AGBL1: variants seen among roughly 807,000 people sequenced by gnomAD.
The protein encoded by AGBL1 is AGBL carboxypeptidase 1, also known as cytosolic carboxypeptidase 4.
A neutral mutation model predicts 118.9 loss-of-function variants in AGBL1; 130 were observed. The observed-to-expected ratio is 1.09, with a 90% CI of 0.95 to 1.26. The LOEUF is 1.26. AGBL1 is among the 50% of genes most tolerant of loss of function. The pLI is 0.00. For missense variants in AGBL1, 1,584 were observed against 1,298.1 expected, an observed-to-expected ratio of 1.22 and a Z score of -3.38; for synonymous variants, 555 against 478.9, an observed-to-expected ratio of 1.16 and a Z score of -2.08.
At chr15:86,225,028 TG>T in intron 6 of AGBL1, 77 bp downstream of exon 6, 1 of 1,409,594 alleles carries the variant, frequency 7.1e-7, no homozygotes. Context: ...TCCCCATGGC[TG>T]TTTCTTTTTT....
chr15:86,745,065 C>T (rs761733611), intron 22 of AGBL1, among the ~76,000 whole-genome samples: 19 of 152,104 alleles, frequency 1.2e-4, no homozygotes, highest in African/African-American at 2.7e-4. Context: ...TTTCCGTAGA[C>T]GTACTGCTGT....
At chr15:86,854,738 C>T (rs112486309) in intron 22 of AGBL1, among the ~76,000 whole-genome samples, 127 of 152,294 alleles carry the variant, frequency 8.3e-4, no homozygotes, top group Middle Eastern at 6.8e-3. Flanking sequence ...ACTCTTCATG[C>T]AATTGCTTAC....
chr15:86,769,764 G>A (rs2078147581), intron 22 of AGBL1, among the ~76,000 whole-genome samples: 1 of 151,994 alleles, frequency 6.6e-6, no homozygotes, highest in South Asian at 2.1e-4. Flanking sequence ...AGTAGCAGAA[G>A]TTTGAAATGC....
Position 86,892,418 on chromosome 15 carries a change from A to G in AGBL1, c.3159-14669A>G, listed in dbSNP as rs74504858. ...GAATACCTCATTCCAGTTCTTCCTCAGGCAGAGTAGACCTTATCTATAAAT... is the reference window on the plus strand; with the variant it reads ...GAATACCTCATTCCAGTTCTTCCTCGGGCAGAGTAGACCTTATCTATAAAT... On this transcript the variant is annotated intron_variant, in intron 22 of 22. Coordinates refer to ENST00000614907, the MANE Select transcript of AGBL1 (RefSeq NM_001386094.1). Among the ~76,000 whole-genome samples the G allele has an allele frequency of 2.9e-3, 436 of 152,318 alleles. 2 individuals carry two copies. Among genetic ancestry groups the G allele is most frequent in the African/African-American group, 0.01 (418 of 41,572 alleles).
chr15:86,864,401 C>A (rs2079597944), intron 22 of AGBL1, among the ~76,000 whole-genome samples: 1 of 152,150 alleles, frequency 6.6e-6, no homozygotes, highest in African/African-American at 2.4e-5. Context: ...ATTGTAAGTA[C>A]TTTTTGCATT....
chr15:87,020,635 G>A (rs1426521880), intron 24 of AGBL1, among the ~76,000 whole-genome samples: 1 of 152,042 alleles, frequency 6.6e-6, no homozygotes, highest in Admixed American at 6.6e-5. Flanking sequence ...AAGCTAATAA[G>A]CAACTTCAGC....
At chr15:86,561,264 T>C (rs2083815719) in intron 21 of AGBL1, among the ~76,000 whole-genome samples, 2 of 152,222 alleles carry the variant, frequency 1.3e-5, no homozygotes, top group South Asian at 4.1e-4. Context: ...TCACCTAGGT[T>C]TTCTTCTAGG....
intron 17 of AGBL1, among the ~76,000 whole-genome samples, chr15:86,337,432 A>G (rs147784730): frequency 2.0e-4 from 30 of 152,336 alleles, no homozygotes; most frequent in African/African-American, 5.3e-4. Context: ...ACTATTCACA[A>G]TAGCAAAGGC....
intron 5 of AGBL1, among the ~76,000 whole-genome samples, chr15:86,202,657 C>A (rs971971295): frequency 6.6e-6 from 1 of 152,136 alleles, no homozygotes; most frequent in Non-Finnish European, 1.5e-5. Flanking sequence ...TTTTATAATC[C>A]TTAAAATACC....
chr15:86,426,915 A>T, intron 18 of AGBL1, among the ~76,000 whole-genome samples: 1 of 152,110 alleles, frequency 6.6e-6, no homozygotes, highest in Non-Finnish European at 1.5e-5. Context: ...ATGAGTGCAC[A>T]CCACCACTCC....
intron 22 of AGBL1, among the ~76,000 whole-genome samples, chr15:86,879,022 T>C (rs2141525937): frequency 6.6e-6 from 1 of 152,272 alleles, no homozygotes; most frequent in South Asian, 2.1e-4. Flanking sequence ...GGAGCATGAG[T>C]CAGACCAAGA....
intron 23 of AGBL1, among the ~76,000 whole-genome samples, chr15:86,927,456 C>A (rs942959828): frequency 6.6e-6 from 1 of 151,144 alleles, no homozygotes. Flanking sequence ...TGTGGTGGCA[C>A]AGGCCTATAA....
At chr15:86,202,904 A>G (rs1284913600) in intron 5 of AGBL1, among the ~76,000 whole-genome samples, 1 of 151,970 alleles carries the variant, frequency 6.6e-6, no homozygotes, top group African/African-American at 2.4e-5. Context: ...GGCTGAGGCA[A>G]TTGCACAAAT....
At chr15:87,021,027 A>T (rs936631126) in intron 24 of AGBL1, among the ~76,000 whole-genome samples, 1 of 152,152 alleles carries the variant, frequency 6.6e-6, no homozygotes, top group Non-Finnish European at 1.5e-5. Context: ...ACCAAAAAAG[A>T]GCCCATATAG....
At chr15:86,338,054 A>T (rs2080402316) in intron 17 of AGBL1, among the ~76,000 whole-genome samples, 1 of 152,170 alleles carries the variant, frequency 6.6e-6, no homozygotes, top group Non-Finnish European at 1.5e-5. Flanking sequence ...GAAGGGACAC[A>T]TAAACTGATT....
chr15:86,144,461 A>T (rs9920786), intron 3 of AGBL1, among the ~76,000 whole-genome samples: 1 of 152,204 alleles, frequency 6.6e-6, no homozygotes, highest in Non-Finnish European at 1.5e-5. Context: ...GTACACATAC[A>T]CCATGGAATA....
At chr15:86,348,836 A>G (rs1299501012) in intron 17 of AGBL1, among the ~76,000 whole-genome samples, 1 of 151,456 alleles carries the variant, frequency 6.6e-6, no homozygotes. Context: ...AAGGCCAGGT[A>G]TCTTGAGTTG....
intron 18 of AGBL1, among the ~76,000 whole-genome samples, chr15:86,484,216 A>T (rs1376587651): frequency 6.6e-6 from 1 of 152,092 alleles, no homozygotes; most frequent in Non-Finnish European, 1.5e-5. Context: ...CTGTAATTGC[A>T]AGAAGGCACA....
At chr15:87,007,195 G>C (rs2081513787) in intron 24 of AGBL1, among the ~76,000 whole-genome samples, 1 of 151,980 alleles carries the variant, frequency 6.6e-6, no homozygotes, top group Non-Finnish European at 1.5e-5. Context: ...ATTTTTTCCA[G>C]GAAAGAAATG....
Sources: gnomAD v4.1 joint callset for allele counts (sites outside exome capture counted in the v4.1 genomes callset) on GRCh38, gnomAD v4.1.1 for gene constraint, MANE v1.5 for transcripts, NCBI Gene and HGNC (gene_info 2026-07-23, HGNC 2026-07-21) for gene names.